Variants in LINGO2 observed in about 807,000 individuals in gnomAD.
LINGO2 encodes the protein leucine rich repeat and Ig domain containing 2, also known as leucine-rich repeat and immunoglobulin-like domain-containing nogo receptor-interacting protein 2.
A neutral mutation model predicts 30.6 loss-of-function variants in LINGO2; 14 were observed. The ratio of observed to expected loss-of-function variants is 0.46; its 90% CI spans 0.30 to 0.72. The LOEUF (loss-of-function observed/expected upper bound fraction) is 0.72. LINGO2 is among the 30% of genes least tolerant of loss of function. The pLI, the probability that LINGO2 is intolerant of heterozygous loss-of-function variation, is 0.07. For synonymous variants in LINGO2, 317 were observed against 288.5 expected (o/e 1.10, Z -1.00); for missense variants, 729 against 751.7 (o/e 0.97, Z 0.35).
chr9:28,427,458 A>G (rs901112489), intron 2 of LINGO2, among the ~76,000 whole-genome samples: 25 of 152,300 alleles, frequency 1.6e-4, no homozygotes, highest in Admixed American at 1.4e-3. Context: ...TATTCTCTCC[A>G]TTAATCCTCA....
chr9:28,194,376 G>C (rs1360623970), intron 4 of LINGO2, among the ~76,000 whole-genome samples: 1 of 151,960 alleles, frequency 6.6e-6, no homozygotes, highest in African/African-American at 2.4e-5. Flanking sequence ...GTAATTCTGA[G>C]AAAGGTACCA....
chr9:28,189,145 A>G (rs1402070410), intron 4 of LINGO2, among the ~76,000 whole-genome samples: 1 of 151,822 alleles, frequency 6.6e-6, no homozygotes, highest in African/African-American at 2.4e-5. Context: ...AGCTTTATAC[A>G]CCTTTCCAAA....
chr9:28,010,488 A>C (rs1390664795), intron 5 of LINGO2, among the ~76,000 whole-genome samples: 1 of 152,154 alleles, frequency 6.6e-6, no homozygotes, highest in East Asian at 1.9e-4. Context: ...TCTTACATGG[A>C]AACTCAATGT....
At chr9:28,314,992 A>T (rs1456266634) in intron 3 of LINGO2, among the ~76,000 whole-genome samples, 1 of 146,432 alleles carries the variant, frequency 6.8e-6, no homozygotes, top group Non-Finnish European at 1.5e-5. Flanking sequence ...CCTGGGTGAC[A>T]GAGCAAGACT....
chr9:28,332,476 C>T (rs1825456272), intron 3 of LINGO2, among the ~76,000 whole-genome samples: 1 of 151,966 alleles, frequency 6.6e-6, no homozygotes, highest in African/African-American at 2.4e-5. Context: ...TAGAGGCACA[C>T]ATATTTTGTG....
At chr9:28,715,172 T>C in the LINGO2 span, among the ~76,000 whole-genome samples, 1 of 152,198 alleles carries the variant, frequency 6.6e-6, no homozygotes, top group Non-Finnish European at 1.5e-5. Context: ...CTGCTTTCAG[T>C]GTTCACTGTC....
At chr9:29,205,049 C>T in the LINGO2 span, among the ~76,000 whole-genome samples, 1 of 152,020 alleles carries the variant, frequency 6.6e-6, no homozygotes, top group Non-Finnish European at 1.5e-5. Context: ...TCTGAGATCA[C>T]CATATGGTTT....
the LINGO2 span, among the ~76,000 whole-genome samples, chr9:28,701,632 GC>G: frequency 6.6e-6 from 1 of 151,596 alleles, no homozygotes; most frequent in Non-Finnish European, 1.5e-5. Context: ...TGGGTCTTTT[GC>G]TTTTCCATAT....
the LINGO2 span, among the ~76,000 whole-genome samples, chr9:28,899,994 C>A: frequency 5.9e-5 from 9 of 152,314 alleles, no homozygotes; most frequent in South Asian, 1.9e-3. Context: ...GGTTCCAGGT[C>A]AGCCCCGCAG....
chr9:29,202,695 C>A, the LINGO2 span, among the ~76,000 whole-genome samples: 1 of 152,132 alleles, frequency 6.6e-6, no homozygotes, highest in East Asian at 1.9e-4. Flanking sequence ...AAACTTCATA[C>A]CCTTCCTTGA....
At chr9:28,607,310 T>C (rs1563859969) in intron 1 of LINGO2, among the ~76,000 whole-genome samples, 1 of 152,072 alleles carries the variant, frequency 6.6e-6, no homozygotes, top group African/African-American at 2.4e-5. Flanking sequence ...TTGTACAATG[T>C]GGAGGTTTTG....
chr9:28,591,191 G>A (rs972512473), intron 1 of LINGO2, among the ~76,000 whole-genome samples: 1 of 151,934 alleles, frequency 6.6e-6, no homozygotes, highest in Non-Finnish European at 1.5e-5. Flanking sequence ...ATAGCATTAG[G>A]AGATATACCT....
intron 4 of LINGO2, among the ~76,000 whole-genome samples, chr9:28,207,073 A>T (rs1356608552): frequency 1.3e-5 from 2 of 152,174 alleles, no homozygotes; most frequent in Non-Finnish European, 2.9e-5. Flanking sequence ...CACAAGTTAA[A>T]TGTTTAATTA....
intron 3 of LINGO2, among the ~76,000 whole-genome samples, chr9:28,360,234 A>C (rs1820387636): frequency 6.6e-6 from 1 of 152,198 alleles, no homozygotes; most frequent in Non-Finnish European, 1.5e-5. Flanking sequence ...TTCAAAATTC[A>C]CTTTCAGATG....
In LINGO2 at chr9:28,129,676, T is replaced by C. The variant is rs1382286530; in HGVS notation, c.-86-117271A>G. 6.6e-6 allele frequency: 1 copy of C among 152,218 alleles called. No homozygotes were observed. Among genetic ancestry groups the C allele is most frequent in the South Asian group, 2.1e-4 (1 of 4,834 alleles). 9.4% of individuals were successfully genotyped at this position (152,218 alleles called of 1,614,324 possible). On this transcript the variant is annotated intron_variant, in intron 4 of 5. Transcript: ENST00000379992. The surrounding 1 kb of genome is among the most constrained non-coding windows in gnomAD (Gnocchi z 4.0). The stretch of plus-strand genomic sequence containing the variant: ...GAGAAAATCTTTGAAAAATCCAAAT[T>C]AGTTTTTATTAGTGGTCCCATTGTA...
chr9:28,714,317 T>C, the LINGO2 span, among the ~76,000 whole-genome samples: 1 of 151,808 alleles, frequency 6.6e-6, no homozygotes, highest in Admixed American at 6.6e-5. Context: ...ATGCCAATGG[T>C]AGCAAAAATA....
intron 1 of LINGO2, among the ~76,000 whole-genome samples, chr9:28,500,839 C>A (rs986601613): frequency 7.2e-5 from 11 of 151,886 alleles, no homozygotes; most frequent in African/African-American, 2.7e-4. Context: ...GGCTGTATTT[C>A]CAAAGTCAAA....
intron 4 of LINGO2, among the ~76,000 whole-genome samples, chr9:28,179,667 T>C (rs1828857592): frequency 6.9e-6 from 1 of 144,886 alleles, no homozygotes; most frequent in Non-Finnish European, 1.5e-5. Context: ...ATACTATATA[T>C]AGTATTTTAT....
At chr9:28,410,639 T>C (rs1378819840) in intron 2 of LINGO2, among the ~76,000 whole-genome samples, 1 of 152,136 alleles carries the variant, frequency 6.6e-6, no homozygotes, top group African/African-American at 2.4e-5. Context: ...AGATAAAGGC[T>C]GACAAAGTAT....
Sources: allele counts gnomAD v4.1 joint callset (sites outside exome capture counted in the v4.1 genomes callset), GRCh38; gene constraint gnomAD v4.1.1; non-coding constraint Gnocchi (gnomAD v3.1); transcripts MANE v1.5; gene names NCBI Gene and HGNC (gene_info 2026-07-23, HGNC 2026-07-21).